SKAP1: variants seen among roughly 807,000 people sequenced by gnomAD.
SKAP1 encodes the protein src kinase associated phosphoprotein 1.
In SKAP1, 44 loss-of-function variants were observed where a neutral mutation model predicts 58.5. The ratio of observed to expected loss-of-function variants is 0.75; its 90% CI spans 0.59 to 0.97. SKAP1 has a LOEUF of 0.97. Ranked by LOEUF, SKAP1 falls within the 50% of genes least tolerant of loss-of-function variation. The pLI, the probability that SKAP1 is intolerant of heterozygous loss-of-function variation, is 0.00. For missense variants in SKAP1, 390 were observed against 435.2 expected, an observed-to-expected ratio of 0.90 and a Z score of 0.92; for synonymous variants, 127 against 149.7, an observed-to-expected ratio of 0.85 and a Z score of 1.11.
intron 4 of SKAP1, among the ~76,000 whole-genome samples, chr17:48,313,383 C>T (rs554862727): frequency 4.9e-4 from 74 of 152,188 alleles, no homozygotes; most frequent in African/African-American, 1.4e-3. Flanking sequence ...GAAGCTGACC[C>T]GTGAAGTTCT....
At chr17:48,351,123 C>T (rs2066795278) in intron 3 of SKAP1, among the ~76,000 whole-genome samples, 1 of 152,178 alleles carries the variant, frequency 6.6e-6, no homozygotes, top group Non-Finnish European at 1.5e-5. Flanking sequence ...CTAATACCAA[C>T]TAAAGATATA....
rs142240089 is a variant in SKAP1 at position 48,376,311 on chromosome 17, G to A, written c.153-12497C>T. Among the ~76,000 whole-genome samples, 6 of 152,100 alleles carry A rather than the reference G, an allele frequency of 3.9e-5. No individual in the cohort carries two copies. The East Asian group carries it at 7.7e-4, about 20-fold the overall frequency. On this transcript the variant is annotated intron_variant, in intron 2 of 12. Coordinates refer to ENST00000336915, the MANE Select transcript of SKAP1 (RefSeq NM_003726.4). The stretch of plus-strand genomic sequence containing the variant: ...TCATTTACTCTAGCCTTCACTTTAC[G>A]GATGAGAACAATGAAGCATGGAGAG...
At chr17:48,422,742 T>C (rs948511816) in intron 1 of SKAP1, among the ~76,000 whole-genome samples, 1 of 152,140 alleles carries the variant, frequency 6.6e-6, no homozygotes, top group Non-Finnish European at 1.5e-5. Context: ...AGAACAGAAA[T>C]GTTTAGAAAA....
chr17:48,179,510 GT>G (rs2064338871), intron 9 of SKAP1, among the ~76,000 whole-genome samples: 1 of 152,168 alleles, frequency 6.6e-6, no homozygotes, highest in African/African-American at 2.4e-5. Context: ...ACATGTTAGG[GT>G]TATTTTTAAG....
chr17:48,196,725 G>A (rs982126485), intron 4 of SKAP1: 1 of 152,166 alleles, frequency 6.6e-6, no homozygotes, highest in Non-Finnish European at 1.5e-5. Context: ...CTTTGCACAG[G>A]GGCCATGCTA....
At chr17:48,195,149 C>CTT (rs2064607767) in intron 4 of SKAP1, among the ~76,000 whole-genome samples, 1 of 152,182 alleles carries the variant, frequency 6.6e-6, no homozygotes, top group African/African-American at 2.4e-5. Context: ...ATGAACCTCT[C>CTT]TTTTGTGCAT....
chr17:48,159,767 T>C (rs562170188), intron 11 of SKAP1, among the ~76,000 whole-genome samples: 3 of 152,364 alleles, frequency 2.0e-5, no homozygotes, highest in Admixed American at 2.0e-4. Context: ...GATGAATAGA[T>C]TGGGTGGCCT....
intron 1 of SKAP1, among the ~76,000 whole-genome samples, chr17:48,414,867 T>A (rs1362987326): frequency 6.6e-6 from 1 of 152,232 alleles, no homozygotes; most frequent in Non-Finnish European, 1.5e-5. Context: ...TCTTACATTC[T>A]CCCAAATTCT....
At position 48,346,108 on chromosome 17, in the gene SKAP1, G is replaced by GA. The variant is rs2066719764; in HGVS notation, c.179-103dup. On this transcript the variant is annotated intron_variant, in intron 3 of 12. Transcript: ENST00000336915. Reference sequence around the variant, plus strand: ...CTATGTATGATCTCTTCCAGTATTCGAAAAAAAAGTGTATCTTTTACTGGA... The same window carrying GA: ...CTATGTATGATCTCTTCCAGTATTCGAAAAAAAAAGTGTATCTTTTACTGGA... 5.4e-5 allele frequency: 31 copies of GA among 578,584 alleles called. 1 individual carries two copies. The highest frequency in any genetic ancestry group is 3.8e-4 in the Middle Eastern group (1 of 2,660). 35.8% of individuals were successfully genotyped at this position (578,584 alleles called of 1,614,324 possible). A position where few individuals can be genotyped will look rare whatever the true frequency, so the allele number is the denominator to read the frequency against.
chr17:48,343,081 T>G (rs1163986216), intron 4 of SKAP1, among the ~76,000 whole-genome samples: 1 of 152,230 alleles, frequency 6.6e-6, no homozygotes. Flanking sequence ...TTTTTTTATT[T>G]GTCTACTTAT....
chr17:48,429,726 GAAACCCTACAGATGT>G, intron 1 of SKAP1, among the ~76,000 whole-genome samples: 1 of 152,278 alleles, frequency 6.6e-6, no homozygotes, highest in Non-Finnish European at 1.5e-5. Flanking sequence ...AGGGGGACGG[GAAACCCTACAGATGT>G]AGGGCAGTCC....
intron 4 of SKAP1, among the ~76,000 whole-genome samples, chr17:48,286,954 G>A (rs2065837604): frequency 6.6e-6 from 1 of 152,064 alleles, no homozygotes; most frequent in Non-Finnish European, 1.5e-5. Flanking sequence ...AAATTGGCGG[G>A]GCTTGCTGGC....
At chr17:48,187,151 C>CT (rs1339594565) in intron 6 of SKAP1, among the ~76,000 whole-genome samples, 1 of 152,138 alleles carries the variant, frequency 6.6e-6, no homozygotes, top group African/African-American at 2.4e-5. Flanking sequence ...TCCAATTGTG[C>CT]TTATATCCTC....
chr17:48,338,289 A>G (rs564646497), intron 4 of SKAP1, among the ~76,000 whole-genome samples: 129 of 152,010 alleles, frequency 8.5e-4, no homozygotes, highest in Non-Finnish European at 1.5e-3. Context: ...AGCTGGGATT[A>G]CAGGCACCCG....
intron 4 of SKAP1, among the ~76,000 whole-genome samples, chr17:48,226,760 T>A (rs567031533): frequency 7.9e-5 from 12 of 152,220 alleles, no homozygotes; most frequent in African/African-American, 2.9e-4. Flanking sequence ...TTGATTTTGG[T>A]GGTTTTGATC....
chr17:48,327,700 C>T (rs1464688613), intron 4 of SKAP1, among the ~76,000 whole-genome samples: 3 of 152,194 alleles, frequency 2.0e-5, no homozygotes, highest in Admixed American at 6.5e-5. Context: ...GCAATCTTGG[C>T]TCACTGCAGC....
At chr17:48,259,094 C>T (rs1043772431) in intron 4 of SKAP1, among the ~76,000 whole-genome samples, 6 of 151,872 alleles carry the variant, frequency 4.0e-5, no homozygotes, top group African/African-American at 1.5e-4. Flanking sequence ...GCTTGAATGT[C>T]CGTAATTTTT....
chr17:48,396,923 A>G, intron 1 of SKAP1, 138 bp from the exon 2 acceptor site: 1 of 467,294 alleles, frequency 2.1e-6, no homozygotes. Flanking sequence ...AACTTAAAGT[A>G]TAATAAAAAA....
intron 11 of SKAP1, among the ~76,000 whole-genome samples, chr17:48,153,242 C>T (rs16953051): frequency 0.029 from 4,462 of 152,238 alleles, 194 homozygotes; most frequent in South Asian, 0.21. Context: ...CTCTTGTTAG[C>T]AGGTTTACAT....
Sources: allele counts gnomAD v4.1 joint callset (sites outside exome capture counted in the v4.1 genomes callset), GRCh38; gene constraint gnomAD v4.1.1; transcripts MANE v1.5; gene names NCBI Gene and HGNC (gene_info 2026-07-23, HGNC 2026-07-21).